Variants in PTPN20 observed in about 807,000 individuals in gnomAD.
The protein encoded by PTPN20 is tyrosine-protein phosphatase non-receptor type 20.
PTPN20 carries 9 observed loss-of-function variants against 35.0 expected under a neutral mutation model. The observed-to-expected ratio is 0.26, with a 90% CI of 0.15 to 0.45. The LOEUF is 0.45. PTPN20 is among the 20% of genes least tolerant of loss of function. The probability of loss-of-function intolerance (pLI) is 1.00; values close to 1 mark genes in which losing one functional copy is unlikely to be tolerated. For missense variants in PTPN20, 111 were observed against 312.5 expected (o/e 0.36, Z 4.86); for synonymous variants, 32 against 100.2 (o/e 0.32, Z 4.06).
At chr10:46,977,587 G>C in intron 7 of PTPN20, among the ~76,000 whole-genome samples, 1 of 146,284 alleles carries the variant, frequency 6.8e-6, no homozygotes, top group East Asian at 2.1e-4. Context: ...AAGAAGCAAG[G>C]TTCTGGGCAT....
In PTPN20 at chr10:46,932,404, A is replaced by C; in HGVS notation, c.-96A>C. ...GAACAAAAATTGTTTGCTGGCCCCC[A>C]GGATACTAACTAGACCTTTGGCCTG... On this transcript the variant is annotated 5_prime_UTR_variant, in exon 2 of 11. Coordinates refer to ENST00000374339, the MANE Select transcript of PTPN20 (RefSeq NM_001042357.5). 1.9e-6 allele frequency: 3 copies of C among 1,608,392 alleles called. No individual in the cohort carries two copies. Among genetic ancestry groups the C allele is most frequent in the East Asian group, 2.2e-5 (1 of 44,832 alleles).
chr10:46,979,905 C>A (rs1475280503), intron 7 of PTPN20, among the ~76,000 whole-genome samples: 1 of 149,934 alleles, frequency 6.7e-6, no homozygotes, highest in Non-Finnish European at 1.5e-5. Flanking sequence ...ACTCTTCAGC[C>A]CTATGTTGTA....
chr10:47,000,429 G>A (rs1555184679), intron 10 of PTPN20, among the ~76,000 whole-genome samples: 1 of 151,910 alleles, frequency 6.6e-6, no homozygotes, highest in East Asian at 1.9e-4. Context: ...TATGGATAAT[G>A]ATAAAAAAAA....
intron 10 of PTPN20, among the ~76,000 whole-genome samples, chr10:47,000,222 C>A (rs2059868274): frequency 6.6e-6 from 1 of 152,138 alleles, no homozygotes; most frequent in Non-Finnish European, 1.5e-5. Flanking sequence ...GTTGAGGTCT[C>A]CTCGTGTCCA....
At chr10:46,954,579 T>G (rs1465951346) in intron 5 of PTPN20, among the ~76,000 whole-genome samples, 2 of 146,242 alleles carry the variant, frequency 1.4e-5, no homozygotes, top group Non-Finnish European at 3.0e-5. Flanking sequence ...TTTTGATGTC[T>G]TATCTTAACT....
intron 5 of PTPN20, among the ~76,000 whole-genome samples, chr10:46,953,371 C>CTTTCTTTCTT: frequency 7.2e-6 from 1 of 139,374 alleles, no homozygotes; most frequent in Non-Finnish European, 1.5e-5. Flanking sequence ...TTCTTTCTTT[C>CTTTCTTTCTT]TTTCTTTCTT....
chr10:46,939,945 T>C (rs1437467010), intron 2 of PTPN20, among the ~76,000 whole-genome samples: 6 of 152,182 alleles, frequency 3.9e-5, no homozygotes, highest in African/African-American at 1.2e-4. Context: ...TGCCATGCCA[T>C]AGAATTTCTA....
At chr10:47,000,051 A>G in intron 10 of PTPN20, 77 bp downstream of exon 10, 8 of 1,585,738 alleles carry the variant, frequency 5.0e-6, no homozygotes, top group Non-Finnish European at 6.9e-6. Flanking sequence ...TACCACTTAA[A>G]AGCTCTTTTA....
At chr10:46,936,460 T>A (rs1428993584) in intron 2 of PTPN20, among the ~76,000 whole-genome samples, 7 of 152,026 alleles carry the variant, frequency 4.6e-5, no homozygotes, top group Non-Finnish European at 8.8e-5. Context: ...ATTTTGAGTT[T>A]CATGTCTCAT....
At chr10:46,922,929 A>G (rs1296714228) in intron 1 of PTPN20, among the ~76,000 whole-genome samples, 2 of 124,732 alleles carry the variant, frequency 1.6e-5, no homozygotes, top group Admixed American at 7.4e-5. Flanking sequence ...AGGCTGGACC[A>G]TACCCAGGAT....
chr10:46,949,279 T>C (rs2045956975), intron 5 of PTPN20, among the ~76,000 whole-genome samples: 1 of 152,198 alleles, frequency 6.6e-6, no homozygotes, highest in South Asian at 2.1e-4. Context: ...AGTCTGTGAA[T>C]GTGTGCAAGT....
chr10:46,937,922 TTTTTTTCTTC>T lies in PTPN20; in HGVS notation c.35-2691_35-2682del, dbSNP rs1383843089. On this transcript the variant is annotated intron_variant, in intron 2 of 10. Transcript: ENST00000374339. ...TGCTGGATTTTTTCTTTTTCTTTTCTTTTTTTCTTCTTTTTTCTTTTTCTTTTCTTTTTTT... is the reference window on the plus strand; with the variant it reads ...TGCTGGATTTTTTCTTTTTCTTTTCTTTTTTTCTTTTTCTTTTCTTTTTTT... Among the ~76,000 whole-genome samples, 8 of 144,028 alleles carry T rather than the reference TTTTTTTCTTC, an allele frequency of 5.6e-5. No homozygotes were observed. The South Asian group carries it at 6.7e-4, about 12-fold the overall frequency. 94.5% of individuals were successfully genotyped at this position (144,028 alleles called of 152,430 possible). A position where few individuals can be genotyped will look rare whatever the true frequency, so the allele number is the denominator to read the frequency against.
intron 5 of PTPN20, among the ~76,000 whole-genome samples, chr10:46,959,774 C>T (rs1276496389): frequency 7.7e-6 from 1 of 129,228 alleles, no homozygotes; most frequent in Non-Finnish European, 1.7e-5. Context: ...AAAAAAAAAA[C>T]TGTGGACCTT....
downstream of PTPN20, among the ~76,000 whole-genome samples, chr10:47,003,471 C>G (rs2060136552): frequency 6.6e-6 from 1 of 151,976 alleles, no homozygotes; most frequent in African/African-American, 2.4e-5. Context: ...ATAATAGACT[C>G]AACTCAAAAA....
intron 7 of PTPN20, among the ~76,000 whole-genome samples, chr10:46,975,912 C>T (rs1290509813): frequency 3.3e-5 from 5 of 151,586 alleles, no homozygotes; most frequent in Non-Finnish European, 5.9e-5. Flanking sequence ...CCACCCACCT[C>T]GGCCTCCCAA....
At chr10:46,941,173 T>C (rs2133962247) in intron 3 of PTPN20, among the ~76,000 whole-genome samples, 1 of 151,190 alleles carries the variant, frequency 6.6e-6, no homozygotes, top group African/African-American at 2.5e-5. Context: ...AAAAGGGAAA[T>C]GCATTTTAGT....
intron 7 of PTPN20, among the ~76,000 whole-genome samples, chr10:46,976,482 AT>A (rs1196692129): frequency 2.3e-5 from 1 of 43,766 alleles, no homozygotes; most frequent in Non-Finnish European, 4.8e-5. Context: ...TTTTTTTCTC[AT>A]TTTTTTTCCC....
At position 47,000,856 on chromosome 10, in the gene PTPN20, G is replaced by C. The variant is rs1490096798; in HGVS notation, c.*115G>C. 20 of 1,307,210 alleles carry C rather than the reference G, an allele frequency of 1.5e-5. No individual in the cohort carries two copies. In the East Asian group the frequency reaches 2.3e-4, roughly 15 times the overall value. 81.0% of individuals were successfully genotyped at this position (1,307,210 alleles called of 1,614,324 possible). On this transcript the variant is annotated 3_prime_UTR_variant, in exon 11 of 11. Coordinates refer to ENST00000374339, the MANE Select transcript of PTPN20 (RefSeq NM_001042357.5). The stretch of plus-strand genomic sequence containing the variant: ...GCTATGCATACAATCTGCTTTCTTG[G>C]TTTATCAGTTTATTTTCTTTCTAAA...
At chr10:46,941,270 T>G (rs1234617328) in intron 3 of PTPN20, among the ~76,000 whole-genome samples, 1 of 145,156 alleles carries the variant, frequency 6.9e-6, no homozygotes, top group Non-Finnish European at 1.5e-5. Context: ...TGTGTTCATT[T>G]CCTGTAAGTT....
Sources: gnomAD v4.1 joint callset for allele counts (sites outside exome capture counted in the v4.1 genomes callset) on GRCh38, gnomAD v4.1.1 for gene constraint, MANE v1.5 for transcripts, NCBI Gene and HGNC (gene_info 2026-07-23, HGNC 2026-07-21) for gene names.